The following MALRD1 variants were observed in gnomAD, a reference collection of about 807,000 sequenced individuals.
MALRD1 encodes the protein MAM and LDL receptor class A domain containing 1, also known as MAM and LDL-receptor class A domain-containing protein 1.
A neutral mutation model predicts 242.1 loss-of-function variants in MALRD1; 247 were observed. The observed-to-expected ratio is 1.02, with a 90% CI of 0.92 to 1.13. MALRD1 has a LOEUF of 1.13. Ranked by LOEUF, MALRD1 falls within the 50% of genes most tolerant of loss-of-function variation. The pLI, the probability that MALRD1 is intolerant of heterozygous loss-of-function variation, is 0.00. For missense variants in MALRD1, 2,989 were observed against 2,533.1 expected (o/e 1.18, Z -3.86); for synonymous variants, 995 against 866.6 (o/e 1.15, Z -2.60).
intron 28 of MALRD1, among the ~76,000 whole-genome samples, chr10:19,432,016 C>T (rs912022427): frequency 6.6e-6 from 1 of 152,030 alleles, no homozygotes; most frequent in East Asian, 1.9e-4. Flanking sequence ...CCTTCAGGAA[C>T]CAAATATAGT....
intron 36 of MALRD1, among the ~76,000 whole-genome samples, chr10:19,661,473 A>T (rs1275516445): frequency 6.6e-6 from 1 of 152,196 alleles, no homozygotes; most frequent in Non-Finnish European, 1.5e-5. Flanking sequence ...AGATGAGTTC[A>T]TGTCCTTTGT....
intron 24 of MALRD1, among the ~76,000 whole-genome samples, chr10:19,344,132 T>C (rs1225923220): frequency 2.6e-5 from 4 of 152,104 alleles, no homozygotes; most frequent in Non-Finnish European, 5.9e-5. Flanking sequence ...TTTAACAGGA[T>C]CATTTGCAGA....
chr10:19,350,922 C>T (rs982545174), intron 25 of MALRD1, among the ~76,000 whole-genome samples: 1 of 152,070 alleles, frequency 6.6e-6, no homozygotes, highest in Non-Finnish European at 1.5e-5. Flanking sequence ...CAAGTTTCAC[C>T]GGTACCAGGA....
chr10:19,401,833 TTAATC>T (rs142650753), intron 28 of MALRD1, among the ~76,000 whole-genome samples: 116,023 of 151,310 alleles, frequency 0.77, 45,297 homozygotes, highest in Non-Finnish European at 0.84. Context: ...AGAGAGTTAT[TTAATC>T]AAAACAATCT....
intron 28 of MALRD1, among the ~76,000 whole-genome samples, chr10:19,407,697 C>G (rs895500678): frequency 1.3e-5 from 2 of 151,992 alleles, no homozygotes; most frequent in Non-Finnish European, 2.9e-5. Context: ...AAGCTAATAC[C>G]AAGGATTCCT....
At chr10:19,557,008 C>G (rs7895485) in intron 32 of MALRD1, among the ~76,000 whole-genome samples, 79 of 151,996 alleles carry the variant, frequency 5.2e-4, no homozygotes, top group African/African-American at 1.8e-3. Flanking sequence ...TAGTGTCATC[C>G]CATTTTTGTT....
intron 18 of MALRD1, among the ~76,000 whole-genome samples, chr10:19,211,172 G>C (rs1837038619): frequency 6.6e-6 from 1 of 151,988 alleles, no homozygotes; most frequent in Admixed American, 6.6e-5. Flanking sequence ...AACTTTGCAG[G>C]GAAGCAGCTT....
intron 24 of MALRD1, 83 bp from the exon 25 acceptor site, chr10:19,347,688 A>C: frequency 7.0e-7 from 1 of 1,426,668 alleles, no homozygotes; most frequent in Non-Finnish European, 9.5e-7. Flanking sequence ...ATGATACAGC[A>C]AGATCACTGC....
chr10:19,728,531 A>C (rs1835146170), intron 38 of MALRD1: 1 of 152,096 alleles, frequency 6.6e-6, no homozygotes, highest in African/African-American at 2.4e-5. Context: ...CTGACGGCCA[A>C]GCTGGTCCCT....
chr10:19,675,876 C>A (rs1842117756), intron 36 of MALRD1, among the ~76,000 whole-genome samples: 1 of 152,160 alleles, frequency 6.6e-6, no homozygotes. Context: ...TTATTAAGCA[C>A]TGTCATAAGA....
chr10:19,653,741 T>A (rs758655278), intron 36 of MALRD1, among the ~76,000 whole-genome samples: 6 of 152,018 alleles, frequency 3.9e-5, no homozygotes, highest in Non-Finnish European at 7.3e-5. Context: ...AAAGGCAACA[T>A]CCAAATAGTC....
intron 18 of MALRD1, among the ~76,000 whole-genome samples, chr10:19,252,515 A>T (rs1839337486): frequency 6.6e-6 from 1 of 152,104 alleles, no homozygotes; most frequent in Non-Finnish European, 1.5e-5. Flanking sequence ...CAAAAGATCA[A>T]CATAAATTTT....
chr10:19,366,163 A>T (rs1236682736), intron 26 of MALRD1, among the ~76,000 whole-genome samples: 1 of 151,938 alleles, frequency 6.6e-6, no homozygotes, highest in East Asian at 1.9e-4. Flanking sequence ...GTAATGAAAT[A>T]AACATGCAAC....
intron 24 of MALRD1, among the ~76,000 whole-genome samples, chr10:19,340,360 T>G (rs1210124945): frequency 6.8e-6 from 1 of 147,180 alleles, no homozygotes; most frequent in Non-Finnish European, 1.5e-5. Context: ...TTTTTTTTTG[T>G]ACCCATTAAC....
rs151044970 is a variant in MALRD1 at position 19,479,106 on chromosome 10, T to C, written c.5030-12411T>C. Among the ~76,000 whole-genome samples, 39 of 152,326 alleles carry C rather than the reference T, an allele frequency of 2.6e-4. No individual in the cohort carries two copies. In the East Asian group the frequency reaches 7.5e-3, roughly 29 times the overall value. On this transcript the variant is annotated intron_variant, in intron 29 of 39. Coordinates refer to ENST00000454679, the MANE Select transcript of MALRD1 (RefSeq NM_001142308.3). ...GTTCCATGAAATACTATTTGATCACTCAAAAGATATCTAGGTTTTGTGCTA... is the reference window on the plus strand; with the variant it reads ...GTTCCATGAAATACTATTTGATCACCCAAAAGATATCTAGGTTTTGTGCTA...
chr10:19,624,761 G>A (rs1208293695), intron 36 of MALRD1, among the ~76,000 whole-genome samples: 2 of 151,744 alleles, frequency 1.3e-5, no homozygotes, highest in African/African-American at 4.8e-5. Flanking sequence ...AGCTGCCCTG[G>A]AGGCTAAGGC....
intron 39 of MALRD1, among the ~76,000 whole-genome samples, chr10:19,732,995 C>G (rs915961283): frequency 6.6e-6 from 1 of 152,182 alleles, no homozygotes; most frequent in Non-Finnish European, 1.5e-5. Flanking sequence ...GGCACATCTC[C>G]TGACCTTTGT....
intron 26 of MALRD1, among the ~76,000 whole-genome samples, chr10:19,384,840 C>T (rs1292807282): frequency 1.3e-5 from 2 of 150,654 alleles, no homozygotes; most frequent in Non-Finnish European, 3.0e-5. Flanking sequence ...TAATTCTTTG[C>T]TCCTTATGCT....
intron 20 of MALRD1, among the ~76,000 whole-genome samples, chr10:19,280,855 A>G (rs1840771679): frequency 6.6e-6 from 1 of 152,212 alleles, no homozygotes; most frequent in African/African-American, 2.4e-5. Context: ...TTAATGAGCA[A>G]AGCATAAGAT....
Sources: allele counts gnomAD v4.1 joint callset (sites outside exome capture counted in the v4.1 genomes callset), GRCh38; gene constraint gnomAD v4.1.1; transcripts MANE v1.5; gene names NCBI Gene and HGNC (gene_info 2026-07-23, HGNC 2026-07-21).